OPRM1: variants seen among roughly 807,000 people sequenced by gnomAD.
OPRM1 encodes opioid receptor mu 1, also known as mu-type opioid receptor.
A neutral mutation model predicts 31.8 loss-of-function variants in OPRM1; 27 were observed. That is an observed-to-expected ratio of 0.85 (90% confidence interval 0.63 to 1.17). The LOEUF is 1.17. OPRM1 is among the 50% of genes most tolerant of loss of function. The pLI is 0.00. For synonymous variants in OPRM1, 196 were observed against 189.9 expected (o/e 1.03, Z -0.26); for missense variants, 536 against 511.1 (o/e 1.05, Z -0.47).
intron 3 of OPRM1, chr6:154,110,351 G>A (rs1796206628): frequency 2.2e-6 from 3 of 1,388,742 alleles, no homozygotes; most frequent in Non-Finnish European, 3.0e-6. Context: ...AAATATCTTT[G>A]CAGAAAATAG....
chr6:154,086,845 A>G (rs1790701210), intron 1 of OPRM1: 1 of 985,328 alleles, frequency 1.0e-6, no homozygotes, highest in Non-Finnish European at 1.2e-6. Flanking sequence ...TGAATCTAGC[A>G]AAAGTTATTT....
At position 154,091,153 on chromosome 6, in the gene OPRM1, G is replaced by A; in HGVS notation, c.845G>A (p.Arg282Lys). 1 of 1,614,196 alleles carries A rather than the reference G, an allele frequency of 6.2e-7. No homozygotes were observed. The highest frequency in any genetic ancestry group is 1.1e-5 in the South Asian group (1 of 91,080). Residue 282 changes from arginine to lysine, a missense_variant, in exon 3 of 4, where the codon AGG (arginine) becomes AAG (lysine). By Grantham distance (26) the Arg-to-Lys change is conservative (BLOSUM62 2). Transcript: ENST00000330432. ...EKDRNLRRITRMVLVVVAVFI... is the reference protein window; with the variant it reads ...EKDRNLRRITKMVLVVVAVFI... ...GACAGGAATCTTCGAAGGATCACCA[G>A]GATGGTGCTGGTGGTGGTGGCTGTG...
chr6:154,086,643 A>C, intron 1 of OPRM1: 1 of 984,364 alleles, frequency 1.0e-6, no homozygotes, highest in Non-Finnish European at 1.2e-6. Flanking sequence ...ATACATTGGA[A>C]ATACTTAGTG....
downstream of OPRM1, among the ~76,000 whole-genome samples, chr6:154,133,442 A>G (rs935335117): frequency 1.3e-5 from 2 of 152,200 alleles, no homozygotes; most frequent in Middle Eastern, 3.2e-3. Flanking sequence ...CTATCAATTG[A>G]TAGACATTTG....
chr6:154,039,351 A>C lies in OPRM1; in HGVS notation c.-194A>C. 2 of 1,546,452 alleles carry C rather than the reference A, an allele frequency of 1.3e-6. No individual in the cohort carries two copies. ...ACTAAGGTGGGAGGGGGCTATACGCAGAGGAGAATGTCAGATGCTCAGCTC... is the reference window on the plus strand; with the variant it reads ...ACTAAGGTGGGAGGGGGCTATACGCCGAGGAGAATGTCAGATGCTCAGCTC... On this transcript the variant is annotated 5_prime_UTR_variant, in exon 1 of 4. Transcript: ENST00000330432.
At chr6:154,244,216 A>C (rs2128639771) in intron 3 of OPRM1, among the ~76,000 whole-genome samples, 1 of 152,232 alleles carries the variant, frequency 6.6e-6, no homozygotes, top group Admixed American at 6.5e-5. Flanking sequence ...GAGAAGAGGA[A>C]TATCACTGCT....
At chr6:154,150,951 A>G (rs1028270454) in intron 3 of OPRM1, among the ~76,000 whole-genome samples, 3 of 152,212 alleles carry the variant, frequency 2.0e-5, no homozygotes, top group African/African-American at 7.2e-5. Context: ...CCTCTCTTCG[A>G]TGCGTCAATG....
intron 1 of OPRM1, among the ~76,000 whole-genome samples, chr6:154,019,459 G>C (rs1391844456): frequency 6.6e-6 from 1 of 151,622 alleles, no homozygotes; most frequent in Non-Finnish European, 1.5e-5. Flanking sequence ...ACATTCTATG[G>C]GTTTTGACAA....
At chr6:154,138,533 G>A (rs1225339580) in intron 3 of OPRM1, among the ~76,000 whole-genome samples, 1 of 152,154 alleles carries the variant, frequency 6.6e-6, no homozygotes, top group East Asian at 1.9e-4. Context: ...CTGCCCATGT[G>A]TTTGCCGGGA....
At chr6:154,074,959 T>C (rs1480859211) in intron 1 of OPRM1, among the ~76,000 whole-genome samples, 1 of 152,084 alleles carries the variant, frequency 6.6e-6, no homozygotes, top group Non-Finnish European at 1.5e-5. Context: ...CCAAACATCC[T>C]ATAACTAAAG....
chr6:154,134,208 G>C (rs1403999855), downstream of OPRM1, among the ~76,000 whole-genome samples: 1 of 152,144 alleles, frequency 6.6e-6, no homozygotes, highest in Non-Finnish European at 1.5e-5. Flanking sequence ...TCTAAATACA[G>C]AGTTATATTC....
At chr6:154,113,222 T>C (rs1796526944) in intron 3 of OPRM1, among the ~76,000 whole-genome samples, 3 of 152,232 alleles carry the variant, frequency 2.0e-5, no homozygotes, top group Admixed American at 2.0e-4. Flanking sequence ...AATAGGTTCC[T>C]GGCCTGTCTC....
intron 3 of OPRM1, among the ~76,000 whole-genome samples, chr6:154,100,552 A>AATAATATACAT (rs1562473369): frequency 3.3e-5 from 5 of 152,040 alleles, no homozygotes; most frequent in African/African-American, 1.2e-4. Flanking sequence ...TCAGATACCA[A>AATAATATACAT]ATAAATATAG....
chr6:154,178,197 G>A (rs1013010664), intron 3 of OPRM1, among the ~76,000 whole-genome samples: 3 of 152,132 alleles, frequency 2.0e-5, no homozygotes, highest in African/African-American at 7.2e-5. Flanking sequence ...TAAATGATGA[G>A]TTGATGGCTG....
intron 1 of OPRM1, among the ~76,000 whole-genome samples, chr6:154,059,300 A>T (rs1783941771): frequency 6.6e-6 from 1 of 152,184 alleles, no homozygotes; most frequent in African/African-American, 2.4e-5. Context: ...TCAGCCTTTT[A>T]ACCTGGTAAA....
chr6:154,136,634 G>T (rs1055870019), downstream of OPRM1, among the ~76,000 whole-genome samples: 2 of 152,126 alleles, frequency 1.3e-5, no homozygotes, highest in African/African-American at 4.8e-5. Context: ...CACTGGCGCA[G>T]CATCCCCACA....
intron 3 of OPRM1, among the ~76,000 whole-genome samples, chr6:154,243,094 G>A (rs1251470478): frequency 1.3e-5 from 2 of 152,178 alleles, no homozygotes; most frequent in South Asian, 2.1e-4. Context: ...CAGCATATGC[G>A]AAGGCTTAGA....
At chr6:154,012,648 A>G (rs1777791931) in intron 1 of OPRM1, among the ~76,000 whole-genome samples, 2 of 152,064 alleles carry the variant, frequency 1.3e-5, no homozygotes, top group African/African-American at 4.8e-5. Context: ...AATGTTCAAA[A>G]GTTAAAATAG....
intron 1 of OPRM1, among the ~76,000 whole-genome samples, chr6:154,055,693 A>G (rs919236942): frequency 5.3e-5 from 8 of 152,204 alleles, no homozygotes; most frequent in Admixed American, 4.6e-4. Flanking sequence ...TTCCAAAACC[A>G]TCGTGTCAAG....
Sources: allele counts gnomAD v4.1 joint callset (sites outside exome capture counted in the v4.1 genomes callset), GRCh38; gene constraint gnomAD v4.1.1; transcripts MANE v1.5; gene names NCBI Gene and HGNC (gene_info 2026-07-23, HGNC 2026-07-21).